The following MDN1 variants were observed in gnomAD, a reference collection of about 807,000 sequenced individuals.
MDN1 encodes midasin.
In MDN1, 266 loss-of-function variants were observed where a neutral mutation model predicts 669.2. The ratio of observed to expected loss-of-function variants is 0.40; its 90% CI spans 0.36 to 0.44. The LOEUF (loss-of-function observed/expected upper bound fraction) is 0.44, where lower values mean the gene tolerates loss of function less well. Ranked by LOEUF, MDN1 falls within the 20% of genes least tolerant of loss-of-function variation. MDN1 has a pLI of 1.00. For synonymous variants in MDN1, 2,385 were observed against 2,457.1 expected, an observed-to-expected ratio of 0.97 and a Z score of 0.87; for missense variants, 5,940 against 6,754.0, an observed-to-expected ratio of 0.88 and a Z score of 4.22.
chr6:89,722,846 CAA>C (rs34376900), intron 40 of MDN1, 107 bp downstream of exon 40: 25,387 of 657,740 alleles, frequency 0.039, no homozygotes, highest in South Asian at 0.06. Context: ...AACCCAGTCT[CAA>C]AAAAAAAAAA....
At chr6:89,799,861 G>C (rs942749092) in intron 2 of MDN1, among the ~76,000 whole-genome samples, 8 of 152,162 alleles carry the variant, frequency 5.3e-5, no homozygotes, top group Non-Finnish European at 8.8e-5. Context: ...TCCAGGAATT[G>C]TAATTTCCGA....
At chr6:89,700,511 C>T (rs1813080232) in intron 56 of MDN1, 135 bp downstream of exon 56, 1 of 828,198 alleles carries the variant, frequency 1.2e-6, no homozygotes, top group Non-Finnish European at 1.9e-6. Context: ...CTATGCCTGA[C>T]ACTTATATAA....
At chr6:89,748,743 A>G (rs1816795808) in intron 26 of MDN1, among the ~76,000 whole-genome samples, 1 of 152,010 alleles carries the variant, frequency 6.6e-6, no homozygotes, top group African/African-American at 2.4e-5. Flanking sequence ...AAAAATATAT[A>G]TTATTGGGAA....
At position 89,723,160 on chromosome 6, in the gene MDN1, C is replaced by T. The variant is rs1258041072; in HGVS notation, c.5779-17G>A. The T allele has an allele frequency of 7.4e-6, 12 of 1,611,426 alleles. No homozygotes were observed. Among genetic ancestry groups the T allele is most frequent in the Non-Finnish European group, 9.3e-6 (11 of 1,178,168 alleles). ...ATGATCAATCTAGAAAGAAAACATC[C>T]TGATTGGGAAACATGCCCTGCTTAC... On this transcript the variant is annotated splice_polypyrimidine_tract_variant and intron_variant, in intron 39 of 101. Transcript: ENST00000369393.
chr6:89,698,160 T>A (rs1194959189), intron 59 of MDN1, among the ~76,000 whole-genome samples: 1 of 152,190 alleles, frequency 6.6e-6, no homozygotes, highest in Non-Finnish European at 1.5e-5. Context: ...CTTCACATCT[T>A]TAAAAAAGTG....
At chr6:89,645,346 T>C (rs544740190) in intron 100 of MDN1, among the ~76,000 whole-genome samples, 189 bp from the exon 101 acceptor site, 5 of 152,320 alleles carry the variant, frequency 3.3e-5, no homozygotes, top group South Asian at 2.1e-4. Flanking sequence ...CTTAGAATGC[T>C]TGAGTCAGAG....
Position 89,794,759 on chromosome 6 carries a change from T to C in MDN1, c.372A>G (p.Gln124=). ...RYFKDTSPVF[Q]RLFLESSDAN... ...CATCTGAACTCTCTAGGAAAAGTCTTTGAAAGACTGGGGATGTGTCCTTGA... is the reference window on the plus strand; with the variant it reads ...CATCTGAACTCTCTAGGAAAAGTCTCTGAAAGACTGGGGATGTGTCCTTGA... Residue 124 remains glutamine, a synonymous_variant, in exon 3 of 102, where the codon CAA becomes CAG. Coordinates refer to ENST00000369393, the MANE Select transcript of MDN1 (RefSeq NM_014611.3). 1.9e-6 allele frequency: 3 copies of C among 1,614,202 alleles called. No individual in the cohort carries two copies. Among genetic ancestry groups the C allele is most frequent in the Non-Finnish European group, 2.5e-6 (3 of 1,180,030 alleles).
chr6:89,666,585 G>A (rs1217098989), intron 84 of MDN1, among the ~76,000 whole-genome samples: 3 of 151,972 alleles, frequency 2.0e-5, no homozygotes, highest in African/African-American at 4.8e-5. Context: ...CTCCTGCCTT[G>A]GTCTCCCAAA....
intron 49 of MDN1, among the ~76,000 whole-genome samples, chr6:89,711,684 A>G (rs1266965526): frequency 1.3e-5 from 2 of 152,214 alleles, no homozygotes; most frequent in South Asian, 2.1e-4. Flanking sequence ...GCATTTATCA[A>G]AACTAATACC....
At position 89,645,450 on chromosome 6, in the gene MDN1, A is replaced by G. The variant is rs1297848490; in HGVS notation, c.16460-293T>C. On this transcript the variant is annotated intron_variant, in intron 100 of 101. Transcript: ENST00000369393. ...GAAATGTTAAGTTCTGCTCAACTTC[A>G]AATTGTAGAGCAACATACTGTACAT... is the stretch of plus-strand genomic sequence containing the variant. Among the ~76,000 whole-genome samples, 4 of 152,218 alleles carry G rather than the reference A, an allele frequency of 2.6e-5. No homozygotes were observed. The East Asian group carries it at 7.7e-4, about 29-fold the overall frequency.
chr6:89,778,579 C>G (rs1376990905), intron 11 of MDN1, among the ~76,000 whole-genome samples: 1 of 151,976 alleles, frequency 6.6e-6, no homozygotes, highest in Admixed American at 6.6e-5. Context: ...ATGCTCAAGT[C>G]CCTTATATAA....
chr6:89,778,258 A>C (rs1818451901), intron 11 of MDN1, among the ~76,000 whole-genome samples: 1 of 151,370 alleles, frequency 6.6e-6, no homozygotes, highest in Non-Finnish European at 1.5e-5. Context: ...CTTTCGTCTC[A>C]GTGGTAGAGT....
chr6:89,688,187 G>C lies in MDN1; in HGVS notation c.11260-14C>G. On this transcript the variant is annotated splice_polypyrimidine_tract_variant and intron_variant, in intron 66 of 101. Coordinates refer to ENST00000369393, the MANE Select transcript of MDN1 (RefSeq NM_014611.3). Reference sequence around the variant, plus strand: ...TACAACCAGGAGCTGCAGAAATAAAGATTTGGGTATCTCAGTAGGAATACC... The same window carrying C: ...TACAACCAGGAGCTGCAGAAATAAACATTTGGGTATCTCAGTAGGAATACC... 2 of 1,608,488 alleles carry C rather than the reference G, an allele frequency of 1.2e-6. No homozygotes were observed.
intron 19 of MDN1, among the ~76,000 whole-genome samples, chr6:89,757,975 G>A (rs981900642): frequency 1.3e-5 from 2 of 152,170 alleles, no homozygotes; most frequent in Non-Finnish European, 2.9e-5. Flanking sequence ...TTGAACCCAG[G>A]AGGTGGAGGT....
In MDN1 at chr6:89,730,891, A is replaced by C; in HGVS notation, c.4975T>G (p.Leu1659Val). The part of the protein sequence containing the change: ...VTSSGFGTAL[L>V]ARKECLKFLI... The stretch of plus-strand genomic sequence containing the variant: ...AATTTCAGACATTCTTTTCGTGCCA[A>C]AAGGGCTGTACCAAACCCAGAGGAA... Residue 1659 changes from leucine to valine, a missense_variant, in exon 35 of 102, where the codon TTG becomes GTG. By Grantham distance (32) the Leu-to-Val change is conservative. Around this residue, in one of 5 missense-constraint regions of MDN1, gnomAD observed 2,292 missense variants for 2,638.3 expected, o/e 0.87. Transcript: ENST00000369393. The C allele has an allele frequency of 6.2e-7, 1 of 1,614,044 alleles. No homozygotes were observed. The highest frequency in any genetic ancestry group is 1.1e-5 in the South Asian group (1 of 91,076).
chr6:89,798,753 G>A (rs184365360), intron 2 of MDN1, among the ~76,000 whole-genome samples: 7 of 152,270 alleles, frequency 4.6e-5, no homozygotes, highest in East Asian at 1.9e-4. Flanking sequence ...TTTAAAATGC[G>A]TGCATATCAA....
chr6:89,708,767 C>T, intron 50 of MDN1, 139 bp from the exon 51 acceptor site: 1 of 871,590 alleles, frequency 1.1e-6, no homozygotes. Context: ...CAGTAAATAC[C>T]ATGAGTTTCA....
In MDN1 at chr6:89,696,595, C is replaced by T. The variant is rs763650296; in HGVS notation, c.9169-21G>A. On this transcript the variant is annotated intron_variant, in intron 59 of 101. Transcript: ENST00000369393. ...GGGCCCTAAAGGACAAGAGAAGAGTCAATAACTTTTAGAAATTAAGACAAT... is the reference window on the plus strand; with the variant it reads ...GGGCCCTAAAGGACAAGAGAAGAGTTAATAACTTTTAGAAATTAAGACAAT... The T allele has an allele frequency of 3.2e-6, 5 of 1,579,024 alleles. No homozygotes were observed. The East Asian group carries it at 8.9e-5, about 28-fold the overall frequency.
chr6:89,767,594 T>C (rs191189279), intron 15 of MDN1, among the ~76,000 whole-genome samples: 3 of 152,000 alleles, frequency 2.0e-5, no homozygotes, highest in Non-Finnish European at 2.9e-5. Flanking sequence ...CCTATCTCAA[T>C]TAAAAATACA....
Sources: allele counts gnomAD v4.1 joint callset (sites outside exome capture counted in the v4.1 genomes callset), GRCh38; gene constraint gnomAD v4.1.1; regional missense constraint gnomAD v4.1.1; transcripts MANE v1.5; gene names NCBI Gene and HGNC (gene_info 2026-07-23, HGNC 2026-07-21).